CADPS: variants seen among roughly 807,000 people sequenced by gnomAD.
The protein encoded by CADPS is calcium dependent secretion activator, also known as calcium-dependent secretion activator 1.
CADPS carries 57 observed loss-of-function variants against 167.3 expected under a neutral mutation model. The observed-to-expected ratio is 0.34, with a 90% CI of 0.28 to 0.42. The LOEUF (loss-of-function observed/expected upper bound fraction) is 0.42, where lower values mean the gene tolerates loss of function less well. Ranked by LOEUF, CADPS falls within the 20% of genes least tolerant of loss-of-function variation. CADPS has a pLI of 1.00. For synonymous variants in CADPS, 676 were observed against 635.3 expected (o/e 1.06, Z -0.96); for missense variants, 1,414 against 1,738.1 (o/e 0.81, Z 3.32).
At position 62,779,617 on chromosome 3, in the gene CADPS, T is replaced by A. The variant is rs1364351232; in HGVS notation, c.442-13633A>T. On this transcript the variant is annotated intron_variant, in intron 1 of 29. Coordinates refer to ENST00000383710, the MANE Select transcript of CADPS (RefSeq NM_003716.4). ...TGTGGAAACTTGAGGATGAAATCAGTGAGCTGCATGCATTTTAAAGGCATA... is the reference window on the plus strand; with the variant it reads ...TGTGGAAACTTGAGGATGAAATCAGAGAGCTGCATGCATTTTAAAGGCATA... 3 of 534,354 alleles carry A rather than the reference T, an allele frequency of 5.6e-6. No homozygotes were observed. In the African/African-American group the frequency reaches 5.8e-5, roughly 10 times the overall value. The allele number at this position is 534,354 out of a possible 1,614,324, so 33.1% of individuals were successfully genotyped here.
chr3:62,720,806 T>C (rs373612602), intron 3 of CADPS, among the ~76,000 whole-genome samples: 8 of 151,438 alleles, frequency 5.3e-5, no homozygotes, highest in African/African-American at 1.9e-4. Flanking sequence ...GTCCATTATA[T>C]TGTTAGTTTT....
At chr3:62,511,496 T>C (rs1331034927) in intron 17 of CADPS, among the ~76,000 whole-genome samples, 2 of 152,180 alleles carry the variant, frequency 1.3e-5, no homozygotes, top group Non-Finnish European at 2.9e-5. Context: ...AAGTTAATAA[T>C]ATGCTTAGAA....
intron 28 of CADPS, among the ~76,000 whole-genome samples, chr3:62,436,052 G>A (rs867107014): frequency 6.6e-6 from 1 of 152,090 alleles, no homozygotes; most frequent in Non-Finnish European, 1.5e-5. Flanking sequence ...TTTACCACCT[G>A]TACTAGCCAA....
At chr3:62,424,873 G>T (rs1408543216) in intron 28 of CADPS, among the ~76,000 whole-genome samples, 6 of 152,178 alleles carry the variant, frequency 3.9e-5, no homozygotes, top group Non-Finnish European at 1.5e-5. Flanking sequence ...AACTACACAA[G>T]ATACTATCAG....
At chr3:62,798,238 G>A (rs1393273294) in intron 1 of CADPS, among the ~76,000 whole-genome samples, 1 of 152,138 alleles carries the variant, frequency 6.6e-6, no homozygotes, top group Non-Finnish European at 1.5e-5. Flanking sequence ...GGGAGAGACA[G>A]ACCCATCCTT....
chr3:62,481,584 T>C, intron 22 of CADPS, 139 bp downstream of exon 22: 1 of 732,184 alleles, frequency 1.4e-6, no homozygotes, highest in African/African-American at 1.8e-5. Flanking sequence ...ATAAACAATA[T>C]TGTCTCTGTA....
At chr3:62,526,455 A>G (rs1231041695) in intron 13 of CADPS, among the ~76,000 whole-genome samples, 1 of 152,208 alleles carries the variant, frequency 6.6e-6, no homozygotes, top group East Asian at 1.9e-4. Context: ...AAAATTTCCA[A>G]TCCCAATAAT....
chr3:62,717,963 T>G (rs11707161), intron 3 of CADPS, among the ~76,000 whole-genome samples: 11,996 of 152,150 alleles, frequency 0.079, 621 homozygotes, highest in Non-Finnish European at 0.12. Flanking sequence ...GAAACTTATT[T>G]CCCATCTAGC....
chr3:62,556,994 A>AACACACAC (rs56228621), intron 10 of CADPS, among the ~76,000 whole-genome samples: 59 of 143,652 alleles, frequency 4.1e-4, no homozygotes, highest in South Asian at 1.4e-3. Flanking sequence ...GGTGAAAAAC[A>AACACACAC]ACACACACAC....
At position 62,874,686 on chromosome 3, in the gene CADPS, C is replaced by T. The variant is rs1315314790; in HGVS notation, c.344G>A (p.Arg115Lys). 17 of 1,553,770 alleles carry T rather than the reference C, an allele frequency of 1.1e-5. No individual in the cohort carries two copies. In the East Asian group the frequency reaches 3.9e-4, roughly 36 times the overall value. Residue 115 changes from arginine to lysine, a missense_variant, in exon 1 of 30, where the codon AGG becomes AAG. By Grantham distance (26) the Arg-to-Lys change is conservative. Transcript: ENST00000383710. This position sits in a 1 kb window ranked among gnomAD's most constrained non-coding sequence, Gnocchi z 7.1. ...LERLQKEEEE[R>K]KKRLQLYVFV... ...CACATACAGCTGCAGCCTCTTCTTC[C>T]TCTCCTCCTCCTCTTTCTGCAGCCG...
At chr3:62,560,915 C>G (rs537505721) in intron 9 of CADPS, among the ~76,000 whole-genome samples, 2 of 151,928 alleles carry the variant, frequency 1.3e-5, no homozygotes, top group African/African-American at 4.8e-5. Flanking sequence ...CCCCTCTCTA[C>G]TAAAAATACA....
At chr3:62,782,218 G>T (rs926945408) in intron 1 of CADPS, among the ~76,000 whole-genome samples, 4 of 152,122 alleles carry the variant, frequency 2.6e-5, no homozygotes, top group Non-Finnish European at 5.9e-5. Context: ...TACAAGGTGG[G>T]CATTAATGAA....
At chr3:62,770,173 C>T (rs1057483533) in intron 1 of CADPS, among the ~76,000 whole-genome samples, 13 of 152,166 alleles carry the variant, frequency 8.5e-5, no homozygotes, top group Non-Finnish European at 1.0e-4. Context: ...GGATGCTCTT[C>T]TGGTTTTCCC....
intron 1 of CADPS, among the ~76,000 whole-genome samples, chr3:62,776,102 G>A (rs2090215061): frequency 1.3e-5 from 2 of 152,148 alleles, no homozygotes; most frequent in African/African-American, 2.4e-5. Flanking sequence ...GACTTCCAGG[G>A]TCATGTGGAC....
At chr3:62,410,725 T>C (rs1329829901) in intron 28 of CADPS, among the ~76,000 whole-genome samples, 1 of 152,192 alleles carries the variant, frequency 6.6e-6, no homozygotes, top group Non-Finnish European at 1.5e-5. Flanking sequence ...GGTATTATTA[T>C]CTGAGCCATG....
At chr3:62,647,718 G>A (rs1297781222) in intron 5 of CADPS, among the ~76,000 whole-genome samples, 3 of 152,180 alleles carry the variant, frequency 2.0e-5, no homozygotes, top group Non-Finnish European at 4.4e-5. Flanking sequence ...CACAGTGAAA[G>A]AGCACAAATT....
intron 3 of CADPS, among the ~76,000 whole-genome samples, chr3:62,715,235 T>C (rs1336265787): frequency 6.6e-6 from 1 of 152,134 alleles, no homozygotes; most frequent in Non-Finnish European, 1.5e-5. Flanking sequence ...GGGCTTATTA[T>C]ACTATTCTCT....
At position 62,421,801 on chromosome 3, in the gene CADPS, G is replaced by GT. The variant is rs1463678055; in HGVS notation, c.3777+16302dup. Among the ~76,000 whole-genome samples the GT allele has an allele frequency of 2.0e-5, 3 of 152,102 alleles. No homozygotes were observed. The South Asian group carries it at 6.2e-4, about 32-fold the overall frequency. ...GGATGGAGGGATGCCCCGGGTCTGG[G>GT]TTTTTTTGGAGTGTGCTATTGTTTG... On this transcript the variant is annotated intron_variant, in intron 28 of 29. Coordinates refer to ENST00000383710, the MANE Select transcript of CADPS (RefSeq NM_003716.4). This position sits in a 1 kb window ranked among gnomAD's most constrained non-coding sequence, Gnocchi z 4.7.
At chr3:62,669,207 G>A (rs2075070034) in intron 3 of CADPS, among the ~76,000 whole-genome samples, 1 of 152,148 alleles carries the variant, frequency 6.6e-6, no homozygotes, top group Non-Finnish European at 1.5e-5. Flanking sequence ...CCAGAGATTA[G>A]TGTCTGAGAT....
Sources: gnomAD v4.1 joint callset for allele counts (sites outside exome capture counted in the v4.1 genomes callset) on GRCh38, gnomAD v4.1.1 for gene constraint, Gnocchi (gnomAD v3.1) non-coding constraint, MANE v1.5 for transcripts, NCBI Gene and HGNC (gene_info 2026-07-23, HGNC 2026-07-21) for gene names.